The following MIPOL1 variants were observed in gnomAD, a reference collection of about 807,000 sequenced individuals.
MIPOL1 encodes mirror-image polydactyly 1.
MIPOL1 carries 57 observed loss-of-function variants against 60.9 expected under a neutral mutation model. That is an observed-to-expected ratio of 0.94 (90% CI 0.76 to 1.17). MIPOL1 has a LOEUF of 1.17. MIPOL1 is among the 50% of genes most tolerant of loss of function. The pLI, the probability that MIPOL1 is intolerant of heterozygous loss-of-function variation, is 0.00. For synonymous variants in MIPOL1, 179 were observed against 168.8 expected (o/e 1.06, Z -0.47); for missense variants, 551 against 511.6 (o/e 1.08, Z -0.74).
chr14:37,466,599 A>T (rs1394755460), intron 11 of MIPOL1, among the ~76,000 whole-genome samples: 1 of 152,336 alleles, frequency 6.6e-6, no homozygotes, highest in East Asian at 1.9e-4. Flanking sequence ...GACATAGTTA[A>T]TAAGTAACTT....
intron 11 of MIPOL1, among the ~76,000 whole-genome samples, chr14:37,496,177 A>G (rs1392416555): frequency 6.6e-6 from 1 of 150,956 alleles, no homozygotes; most frequent in Non-Finnish European, 1.5e-5. Flanking sequence ...ATCTATGACA[A>G]ACCCACAGCC....
rs188673628 is a variant in MIPOL1 at position 37,506,915 on chromosome 14, C to G, written c.1262+6777C>G. On this transcript the variant is annotated intron_variant, in intron 12 of 12. Transcript: ENST00000684589. ...AACTTAAACAATTACAAGAAAAAAA[C>G]AAACATCCCCATCAAAAAGTGGGCC... is the stretch of plus-strand genomic sequence containing the variant. 1.9e-4 allele frequency: 29 copies of G among 152,138 alleles called. No homozygotes were observed. In the East Asian group the frequency reaches 4.4e-3, roughly 23 times the overall value. 9.4% of individuals were successfully genotyped at this position (152,138 alleles called of 1,614,324 possible).
rs2086785089 is a variant in MIPOL1, at chr14:37,306,352, A to G, written c.624-1704A>G. Reference sequence around the variant, plus strand: ...CATATAAAATTCTTTGAAACTAAAAATAGAGATTTATAACCTTGGTAACTA... The same window carrying G: ...CATATAAAATTCTTTGAAACTAAAAGTAGAGATTTATAACCTTGGTAACTA... On this transcript the variant is annotated intron_variant, in intron 7 of 12. Coordinates refer to ENST00000684589, the MANE Select transcript of MIPOL1 (RefSeq NM_001388067.1). 2.0e-5 allele frequency among the ~76,000 whole-genome samples: 3 copies of G among 151,876 alleles called. 1 individual carries two copies. In the South Asian group the frequency reaches 6.2e-4, roughly 31 times the overall value.
At chr14:37,242,336 G>A (rs1972489641) in intron 1 of MIPOL1, among the ~76,000 whole-genome samples, 1 of 151,582 alleles carries the variant, frequency 6.6e-6, no homozygotes, top group African/African-American at 2.4e-5. Flanking sequence ...AAAATAATGT[G>A]CCTATTCAAG....
At chr14:37,320,257 A>G (rs1240338493) in intron 9 of MIPOL1, among the ~76,000 whole-genome samples, 1 of 152,162 alleles carries the variant, frequency 6.6e-6, no homozygotes, top group South Asian at 2.1e-4. Flanking sequence ...AAGTTGTGCC[A>G]GTTTACAGCA....
chr14:37,318,824 T>TTTATTTATTTAGTTAG (rs1300824602), intron 9 of MIPOL1, among the ~76,000 whole-genome samples: 1 of 148,150 alleles, frequency 6.7e-6, no homozygotes, highest in African/African-American at 2.6e-5. Context: ...TATTTATTTA[T>TTTATTTATTTAGTTAG]TTAGTTAGTT....
chr14:37,332,363 C>T (rs2089768563), intron 9 of MIPOL1, among the ~76,000 whole-genome samples: 1 of 152,058 alleles, frequency 6.6e-6, no homozygotes, highest in South Asian at 2.1e-4. Flanking sequence ...ATCACATTTG[C>T]TGATTTGCAT....
chr14:37,450,277 C>G (rs1330239902), intron 11 of MIPOL1, among the ~76,000 whole-genome samples: 6 of 152,084 alleles, frequency 3.9e-5, no homozygotes, highest in Admixed American at 6.6e-5. Flanking sequence ...AGTTTTCATC[C>G]TAGGATTTGT....
At chr14:37,273,053 AAATT>A (rs1021194053) in intron 6 of MIPOL1, among the ~76,000 whole-genome samples, 33 of 151,304 alleles carry the variant, frequency 2.2e-4, no homozygotes, top group Non-Finnish European at 3.7e-4. Flanking sequence ...AATAGCAAGA[AAATT>A]AAAAACAGTC....
At chr14:37,489,189 C>T (rs1166998388) in intron 11 of MIPOL1, among the ~76,000 whole-genome samples, 2 of 152,140 alleles carry the variant, frequency 1.3e-5, no homozygotes, top group Admixed American at 6.6e-5. Flanking sequence ...CTTGTCGTCA[C>T]ACTTTATTTC....
chr14:37,258,459 A>G (rs1454064679), intron 3 of MIPOL1, among the ~76,000 whole-genome samples: 2 of 152,276 alleles, frequency 1.3e-5, no homozygotes, highest in Admixed American at 1.3e-4. Context: ...TGAAAAGGTT[A>G]CAAATATATT....
intron 1 of MIPOL1, among the ~76,000 whole-genome samples, chr14:37,205,434 T>G (rs1222287834): frequency 6.6e-6 from 1 of 151,962 alleles, no homozygotes. Flanking sequence ...AACAAAGCTT[T>G]CAAGAGGTGA....
chr14:37,445,347 T>C (rs1474606056), intron 11 of MIPOL1, among the ~76,000 whole-genome samples: 1 of 152,082 alleles, frequency 6.6e-6, no homozygotes, highest in East Asian at 1.9e-4. Flanking sequence ...ATAAAATACC[T>C]AAGAATCCAA....
intron 12 of MIPOL1, among the ~76,000 whole-genome samples, chr14:37,518,851 A>T (rs2095391012): frequency 6.6e-6 from 1 of 152,178 alleles, no homozygotes; most frequent in Non-Finnish European, 1.5e-5. Flanking sequence ...TGGGGGTTAT[A>T]TAGAAAGGAC....
At chr14:37,353,821 C>T (rs973465990) in intron 9 of MIPOL1, among the ~76,000 whole-genome samples, 34 of 152,000 alleles carry the variant, frequency 2.2e-4, no homozygotes, top group Non-Finnish European at 4.6e-4. Context: ...GTCTTGCTAG[C>T]GATCTATCAA....
intron 9 of MIPOL1, among the ~76,000 whole-genome samples, chr14:37,344,694 A>G (rs1385184132): frequency 6.6e-6 from 1 of 152,134 alleles, no homozygotes; most frequent in Non-Finnish European, 1.5e-5. Context: ...AAAGAGAGCT[A>G]TCTTCTTATC....
At chr14:37,535,459 A>C (rs1007828090) in intron 12 of MIPOL1, among the ~76,000 whole-genome samples, 2 of 152,176 alleles carry the variant, frequency 1.3e-5, no homozygotes, top group Non-Finnish European at 2.9e-5. Context: ...CAGCATGGTA[A>C]ATAAAATGAC....
intron 11 of MIPOL1, among the ~76,000 whole-genome samples, chr14:37,478,594 A>T (rs2094813656): frequency 6.6e-6 from 1 of 152,176 alleles, no homozygotes; most frequent in African/African-American, 2.4e-5. Context: ...TAAATGGATT[A>T]AATAATCTTT....
chr14:37,547,259 C>A lies in MIPOL1; in HGVS notation c.*288C>A. 1 of 303,596 alleles carries A rather than the reference C, an allele frequency of 3.3e-6. No homozygotes were observed. 18.8% of individuals were successfully genotyped at this position (303,596 alleles called of 1,614,324 possible). A position where few individuals can be genotyped will look rare whatever the true frequency, so the allele number is the denominator to read the frequency against. ...ATATCTCAATATCTTTAATATAAAT[C>A]TTTTTACTGAGAGATCATTATAGAA... On this transcript the variant is annotated 3_prime_UTR_variant, in exon 13 of 13. Coordinates refer to ENST00000684589, the MANE Select transcript of MIPOL1 (RefSeq NM_001388067.1).
Sources: allele counts gnomAD v4.1 joint callset (sites outside exome capture counted in the v4.1 genomes callset), GRCh38; gene constraint gnomAD v4.1.1; transcripts MANE v1.5; gene names NCBI Gene and HGNC (gene_info 2026-07-23, HGNC 2026-07-21).